The following CREB5 variants were observed in gnomAD, a reference collection of about 807,000 sequenced individuals.
CREB5 encodes cAMP responsive element binding protein 5, also known as cyclic AMP-responsive element-binding protein 5.
CREB5 carries 19 observed loss-of-function variants against 57.1 expected under a neutral mutation model. The observed-to-expected ratio is 0.33, with a 90% CI of 0.23 to 0.49. The LOEUF (loss-of-function observed/expected upper bound fraction) is 0.49. Ranked by LOEUF, CREB5 falls within the 20% of genes least tolerant of loss-of-function variation. The probability of loss-of-function intolerance (pLI) is 0.99; values close to 1 mark genes in which losing one functional copy is unlikely to be tolerated. For missense variants in CREB5, 579 were observed against 671.6 expected (o/e 0.86, Z 1.52); for synonymous variants, 238 against 238.3 (o/e 1.00, Z 0.01).
intron 1 of CREB5, among the ~76,000 whole-genome samples, chr7:28,353,842 C>CAAAA (rs3041002): frequency 0.048 from 6,564 of 137,354 alleles, 543 homozygotes; most frequent in African/African-American, 0.17. Flanking sequence ...GACTCCATCT[C>CAAAA]AAAAAAAAAA....
chr7:28,600,995 T>TC (rs1451004154), intron 5 of CREB5, among the ~76,000 whole-genome samples: 2 of 152,138 alleles, frequency 1.3e-5, no homozygotes, highest in African/African-American at 2.4e-5. Context: ...TTCTTTTTTT[T>TC]CTCTGTCCAC....
At chr7:28,509,825 C>T (rs1173262627) in intron 4 of CREB5, among the ~76,000 whole-genome samples, 1 of 152,166 alleles carries the variant, frequency 6.6e-6, no homozygotes, top group African/African-American at 2.4e-5. Flanking sequence ...GGGTGGGGAA[C>T]GGCCAGCCTC....
chr7:28,787,810 T>A (rs1214815563), intron 7 of CREB5, among the ~76,000 whole-genome samples: 1 of 152,162 alleles, frequency 6.6e-6, no homozygotes, highest in African/African-American at 2.4e-5. Context: ...CACCTTGGCC[T>A]TCCAAAGTGC....
intron 4 of CREB5, among the ~76,000 whole-genome samples, chr7:28,537,317 A>G (rs1007631041): frequency 3.9e-5 from 6 of 152,232 alleles, no homozygotes; most frequent in African/African-American, 1.4e-4. Flanking sequence ...ATAAATGTTT[A>G]GAACAGCTCT....
At chr7:28,661,930 C>G (rs1366044661) in intron 5 of CREB5, among the ~76,000 whole-genome samples, 2 of 152,212 alleles carry the variant, frequency 1.3e-5, no homozygotes, top group Non-Finnish European at 1.5e-5. Context: ...GTGAAGGAAA[C>G]TGACATTCTG....
At chr7:28,676,121 G>T (rs557185197) in intron 5 of CREB5, among the ~76,000 whole-genome samples, 23 of 152,220 alleles carry the variant, frequency 1.5e-4, no homozygotes, top group South Asian at 8.3e-4. Context: ...TAGGCTTGGT[G>T]GCCCTAGGCT....
At chr7:28,525,426 T>G (rs548020299) in intron 4 of CREB5, among the ~76,000 whole-genome samples, 6 of 152,186 alleles carry the variant, frequency 3.9e-5, no homozygotes, top group Non-Finnish European at 7.4e-5. Flanking sequence ...GTGGCTATGC[T>G]AGCTTACATT....
At position 28,333,205 on chromosome 7, in the gene CREB5, A is replaced by G. The variant is rs569866059; in HGVS notation, c.-25+33764A>G. ...ACGTAACTGTAATCTAACCTTCAGC[A>G]TGGTCTTTTTTCTACTTTTATATTT... On this transcript the variant is annotated intron_variant, in intron 1 of 9. Transcript: ENST00000396299. Among the ~76,000 whole-genome samples, 5 of 152,268 alleles carry G rather than the reference A, an allele frequency of 3.3e-5. No homozygotes were observed. In the South Asian group the frequency reaches 1.0e-3, roughly 32 times the overall value.
At chr7:28,594,463 C>A (rs1041739629) in intron 5 of CREB5, among the ~76,000 whole-genome samples, 6 of 149,354 alleles carry the variant, frequency 4.0e-5, no homozygotes, top group African/African-American at 1.2e-4. Flanking sequence ...CCTAGTCTTT[C>A]AAACATTCCT....
At chr7:28,436,787 A>T (rs1345340512) in intron 1 of CREB5, among the ~76,000 whole-genome samples, 2 of 152,148 alleles carry the variant, frequency 1.3e-5, no homozygotes, top group African/African-American at 4.8e-5. Context: ...CCTCTGATAA[A>T]GGGGACCAGC....
At chr7:28,584,782 A>AC (rs1305541341) in intron 5 of CREB5, among the ~76,000 whole-genome samples, 1 of 108,652 alleles carries the variant, frequency 9.2e-6, no homozygotes, top group Non-Finnish European at 2.1e-5. Context: ...ATCGTGGTTA[A>AC]AAAAAAAAAA....
chr7:28,315,299 A>T (rs1300458304), intron 1 of CREB5, among the ~76,000 whole-genome samples: 1 of 152,194 alleles, frequency 6.6e-6, no homozygotes, highest in Non-Finnish European at 1.5e-5. Context: ...TTTGTTAAAA[A>T]CAGACTTCTG....
At chr7:28,461,935 C>CTCT (rs548387022) in intron 1 of CREB5, among the ~76,000 whole-genome samples, 209 of 152,060 alleles carry the variant, frequency 1.4e-3, no homozygotes, top group African/African-American at 5.0e-3. Context: ...ATACAATATG[C>CTCT]TCTTTTAAAG....
chr7:28,344,808 AG>A (rs1786008767), intron 1 of CREB5, among the ~76,000 whole-genome samples: 2 of 152,324 alleles, frequency 1.3e-5, no homozygotes, highest in East Asian at 3.9e-4. Context: ...GAAAGTAAAA[AG>A]GTAGAAGATA....
intron 4 of CREB5, among the ~76,000 whole-genome samples, chr7:28,526,401 T>C (rs534757021): frequency 4.6e-5 from 7 of 152,206 alleles, no homozygotes; most frequent in Admixed American, 1.3e-4. Context: ...GTGGGACAAA[T>C]TGAAGTGAAA....
At chr7:28,355,296 A>G (rs1226051971) in intron 1 of CREB5, among the ~76,000 whole-genome samples, 1 of 152,148 alleles carries the variant, frequency 6.6e-6, no homozygotes, top group Admixed American at 6.5e-5. Flanking sequence ...GGTCTGGTGG[A>G]TTCCTTCAGC....
At chr7:28,653,900 G>A (rs148031310) in intron 5 of CREB5, among the ~76,000 whole-genome samples, 39 of 152,352 alleles carry the variant, frequency 2.6e-4, no homozygotes, top group Non-Finnish European at 4.8e-4. Flanking sequence ...TCCCTTTAGA[G>A]TGGATTTTAG....
At chr7:28,304,448 C>A (rs1785151397) in intron 1 of CREB5, among the ~76,000 whole-genome samples, 1 of 152,118 alleles carries the variant, frequency 6.6e-6, no homozygotes, top group Non-Finnish European at 1.5e-5. Context: ...CTTTCAAATG[C>A]TAATACCCCA....
intron 1 of CREB5, among the ~76,000 whole-genome samples, chr7:28,313,750 C>T (rs1305149190): frequency 6.6e-6 from 1 of 152,160 alleles, no homozygotes; most frequent in Admixed American, 6.5e-5. Flanking sequence ...TTTAACACAG[C>T]TTTGTGGACT....
Sources: gnomAD v4.1 joint callset for allele counts (sites outside exome capture counted in the v4.1 genomes callset) on GRCh38, gnomAD v4.1.1 for gene constraint, MANE v1.5 for transcripts, NCBI Gene and HGNC (gene_info 2026-07-23, HGNC 2026-07-21) for gene names.